The following PRKG1 variants were observed in gnomAD, a reference collection of about 807,000 sequenced individuals.
PRKG1 encodes the protein cGMP-dependent protein kinase 1.
A neutral mutation model predicts 88.1 loss-of-function variants in PRKG1; 35 were observed. The ratio of observed to expected loss-of-function variants is 0.40; its 90% CI spans 0.30 to 0.53. PRKG1 has a LOEUF of 0.53. Ranked by LOEUF, PRKG1 falls within the 20% of genes least tolerant of loss-of-function variation. PRKG1 has a pLI of 0.59. For missense variants in PRKG1, 540 were observed against 839.8 expected (o/e 0.64, Z 4.41); for synonymous variants, 303 against 292.5 (o/e 1.04, Z -0.37).
At chr10:51,013,459 C>T (rs1427521421) in intron 1 of PRKG1, among the ~76,000 whole-genome samples, 2 of 152,140 alleles carry the variant, frequency 1.3e-5, no homozygotes, top group East Asian at 3.9e-4. Flanking sequence ...GGTGCGATCT[C>T]GGCTCACCAC....
chr10:51,278,474 G>A (rs2132194567), intron 2 of PRKG1, among the ~76,000 whole-genome samples: 1 of 152,294 alleles, frequency 6.6e-6, no homozygotes, highest in Non-Finnish European at 1.5e-5. Flanking sequence ...CTCATAAAAT[G>A]AGTTTGGGAG....
chr10:51,477,649 G>A (rs913709857), intron 3 of PRKG1, among the ~76,000 whole-genome samples: 1 of 152,026 alleles, frequency 6.6e-6, no homozygotes, highest in African/African-American at 2.4e-5. Context: ...AATGGAGTCA[G>A]TAAACACTTA....
intron 7 of PRKG1, chr10:52,081,643 A>G (rs765904655): frequency 2.2e-6 from 1 of 456,684 alleles, no homozygotes; most frequent in South Asian, 1.5e-5. Flanking sequence ...TTCTTCATGG[A>G]TCTTACATTC....
At chr10:51,076,703 T>C (rs1288734781) in intron 1 of PRKG1, among the ~76,000 whole-genome samples, 1 of 152,190 alleles carries the variant, frequency 6.6e-6, no homozygotes, top group East Asian at 1.9e-4. Context: ...TAAAAGCCTC[T>C]TTGTACATGA....
chr10:51,288,182 T>G lies in PRKG1; in HGVS notation c.478+134852T>G, dbSNP rs573327175. Reference sequence around the variant, plus strand: ...TATACTTTAAGTTTTAGGGTACATGTGCACAATGTGCAGGTTAGTTACATA... The same window carrying G: ...TATACTTTAAGTTTTAGGGTACATGGGCACAATGTGCAGGTTAGTTACATA... On this transcript the variant is annotated intron_variant, in intron 2 of 17. Transcript: ENST00000373980. 3.3e-4 allele frequency among the ~76,000 whole-genome samples: 50 copies of G among 152,210 alleles called. No homozygotes were observed. In the South Asian group the frequency reaches 0.01, roughly 32 times the overall value.
chr10:51,206,964 G>T (rs954768026), intron 2 of PRKG1, among the ~76,000 whole-genome samples: 2 of 152,154 alleles, frequency 1.3e-5, no homozygotes, highest in African/African-American at 4.8e-5. Context: ...ATTGGAAAAT[G>T]AATCGTATTT....
At chr10:51,416,349 G>T (rs1199138481) in intron 2 of PRKG1, among the ~76,000 whole-genome samples, 1 of 152,020 alleles carries the variant, frequency 6.6e-6, no homozygotes, top group Non-Finnish European at 1.5e-5. Context: ...AATTTAAAGT[G>T]GAACATTGTA....
At chr10:51,943,998 T>TC (rs995630845) in intron 5 of PRKG1, among the ~76,000 whole-genome samples, 2 of 152,046 alleles carry the variant, frequency 1.3e-5, no homozygotes, top group Non-Finnish European at 2.9e-5. Flanking sequence ...TCCCTCTTTT[T>TC]CTGTTGATTG....
At chr10:51,561,348 A>G (rs1294841611) in intron 3 of PRKG1, among the ~76,000 whole-genome samples, 1 of 152,032 alleles carries the variant, frequency 6.6e-6, no homozygotes, top group African/African-American at 2.4e-5. Flanking sequence ...CAAAAAATTA[A>G]AAAAGAAAAA....
At chr10:52,103,200 T>G (rs530980163) in intron 7 of PRKG1, among the ~76,000 whole-genome samples, 1 of 152,188 alleles carries the variant, frequency 6.6e-6, no homozygotes, top group South Asian at 2.1e-4. Flanking sequence ...CATGGAAAAA[T>G]TGTCTTCATG....
At chr10:51,187,399 T>C (rs1452122172) in intron 2 of PRKG1, among the ~76,000 whole-genome samples, 1 of 151,990 alleles carries the variant, frequency 6.6e-6, no homozygotes, top group Non-Finnish European at 1.5e-5. Flanking sequence ...AATATAATTT[T>C]ACTACAAAAT....
intron 9 of PRKG1, among the ~76,000 whole-genome samples, chr10:52,245,101 TCC>T (rs1840990879): frequency 6.6e-6 from 1 of 151,652 alleles, no homozygotes; most frequent in Admixed American, 6.6e-5. Flanking sequence ...TCACATAAAA[TCC>T]TGTGTACCAA....
intron 10 of PRKG1, among the ~76,000 whole-genome samples, chr10:52,259,845 G>A (rs944910356): frequency 2.0e-5 from 3 of 152,034 alleles, no homozygotes; most frequent in African/African-American, 7.2e-5. Context: ...AAGTAAACTG[G>A]CATAGGCAAA....
chr10:51,807,462 A>G (rs533283784), intron 4 of PRKG1, among the ~76,000 whole-genome samples: 1 of 152,192 alleles, frequency 6.6e-6, no homozygotes, highest in Non-Finnish European at 1.5e-5. Context: ...AGCATTACAG[A>G]TTTATTTAAT....
intron 4 of PRKG1, among the ~76,000 whole-genome samples, chr10:51,864,428 T>G (rs1360015121): frequency 6.6e-6 from 1 of 152,228 alleles, no homozygotes; most frequent in African/African-American, 2.4e-5. Context: ...TTGGAATGTA[T>G]TGAGTTAGAT....
chr10:51,494,261 C>T (rs2132877359), intron 3 of PRKG1, among the ~76,000 whole-genome samples: 1 of 152,220 alleles, frequency 6.6e-6, no homozygotes, highest in East Asian at 1.9e-4. Flanking sequence ...CACAGAAAAA[C>T]TAGAGTGATT....
rs73333900 is a variant in PRKG1, at chr10:51,134,797, G to A, written c.312-18367G>A. Among the ~76,000 whole-genome samples the A allele has an allele frequency of 6.0e-3, 919 of 152,136 alleles. 17 individuals carry two copies. Among genetic ancestry groups the A allele is most frequent in the African/African-American group, 0.021 (871 of 41,490 alleles). On this transcript the variant is annotated intron_variant, in intron 1 of 17. Transcript: ENST00000373980. ...AATGGCATACCACTTTCCCTATAGT[G>A]TACAATATTTGGTATACCACCACCC... is the stretch of plus-strand genomic sequence containing the variant.
chr10:51,726,845 C>G (rs897566736), intron 3 of PRKG1, among the ~76,000 whole-genome samples: 1 of 152,120 alleles, frequency 6.6e-6, no homozygotes, highest in African/African-American at 2.4e-5. Context: ...GGCACGATCT[C>G]CTCTCACTGC....
intron 8 of PRKG1, among the ~76,000 whole-genome samples, chr10:52,140,900 C>T (rs1021159241): frequency 1.3e-5 from 2 of 152,082 alleles, no homozygotes; most frequent in Non-Finnish European, 2.9e-5. Flanking sequence ...GTATGAACTC[C>T]ACATGTCACA....
Sources: allele counts gnomAD v4.1 joint callset (sites outside exome capture counted in the v4.1 genomes callset), GRCh38; gene constraint gnomAD v4.1.1; transcripts MANE v1.5; gene names NCBI Gene and HGNC (gene_info 2026-07-23, HGNC 2026-07-21).